Variants in ATAD2B observed in about 807,000 individuals in gnomAD.
ATAD2B encodes ATPase family AAA domain containing 2B.
Under a neutral mutation model 167.6 loss-of-function variants are expected in ATAD2B, and 40 were observed. That is an observed-to-expected ratio of 0.24 (90% CI 0.19 to 0.31). ATAD2B has a LOEUF of 0.31. Among genes scored for constraint, ATAD2B ranks in the 10% least tolerant of loss-of-function variants. The pLI, the probability that ATAD2B is intolerant of heterozygous loss-of-function variation, is 1.00. For synonymous variants in ATAD2B, 579 were observed against 596.5 expected (o/e 0.97, Z 0.43); for missense variants, 1,242 against 1,757.2 (o/e 0.71, Z 5.24).
chr2:23,765,458 G>C (rs752395362), intron 23 of ATAD2B, 48 bp downstream of exon 23: 1 of 1,517,044 alleles, frequency 6.6e-7, no homozygotes, highest in Non-Finnish European at 8.9e-7. Flanking sequence ...CTCTTGGCCT[G>C]AACAGAGCAC....
intron 22 of ATAD2B, among the ~76,000 whole-genome samples, chr2:23,774,922 T>C (rs1363796431): frequency 6.6e-6 from 1 of 151,884 alleles, no homozygotes; most frequent in Non-Finnish European, 1.5e-5. Context: ...GTAAATAAAA[T>C]AAAAATAGAA....
chr2:23,862,401 GT>G (rs750865073), intron 12 of ATAD2B, among the ~76,000 whole-genome samples: 426 of 99,390 alleles, frequency 4.3e-3, no homozygotes, highest in East Asian at 0.014. Flanking sequence ...ATTTGGACTG[GT>G]TTTTTTTTTT....
rs58177161 is a variant in ATAD2B at position 23,760,731 on chromosome 2, T to C, written c.3394+1478A>G. 5.3e-3 allele frequency among the ~76,000 whole-genome samples: 430 copies of C among 81,700 alleles called. 3 individuals carry two copies. The highest frequency in any genetic ancestry group is 0.012 in the African/African-American group (296 of 25,516). The allele number at this position is 81,700 out of a possible 152,430, so 53.6% of individuals were successfully genotyped here. ...ACACACACACACACACACACACACATATACACACACACACACACATACACA... is the reference window on the plus strand; with the variant it reads ...ACACACACACACACACACACACACACATACACACACACACACACATACACA... On this transcript the variant is annotated intron_variant, in intron 24 of 27. Coordinates refer to ENST00000238789, the MANE Select transcript of ATAD2B (RefSeq NM_017552.4).
intron 5 of ATAD2B, 52 bp from the exon 6 acceptor site, chr2:23,884,925 AC>A: frequency 8.4e-7 from 1 of 1,186,628 alleles, no homozygotes; most frequent in Admixed American, 2.7e-5. Context: ...ATTCTCCACT[AC>A]AAAAAAACAA....
intron 16 of ATAD2B, among the ~76,000 whole-genome samples, chr2:23,820,898 A>C (rs1478911229): frequency 1.3e-5 from 2 of 152,106 alleles, no homozygotes; most frequent in Admixed American, 1.3e-4. Flanking sequence ...GCAGTGAGCC[A>C]AGATTGCGCC....
chr2:23,807,378 A>C (rs1198510354), intron 18 of ATAD2B, among the ~76,000 whole-genome samples: 1 of 152,202 alleles, frequency 6.6e-6, no homozygotes, highest in East Asian at 1.9e-4. Context: ...AAATTTATCT[A>C]TGTAGAACAT....
At position 23,802,537 on chromosome 2, in the gene ATAD2B, C is replaced by T. The variant is rs137893120; in HGVS notation, c.2455-4214G>A. 1.4e-4 allele frequency among the ~76,000 whole-genome samples: 22 copies of T among 152,030 alleles called. No individual in the cohort carries two copies. In the East Asian group the frequency reaches 3.1e-3, roughly 21 times the overall value. Reference sequence around the variant, plus strand: ...TTAGCATTTTATGAAAATTAAATCACTTAAATTCTTTTTCTAATATTTTCA... The same window carrying T: ...TTAGCATTTTATGAAAATTAAATCATTTAAATTCTTTTTCTAATATTTTCA... On this transcript the variant is annotated intron_variant, in intron 18 of 27. Transcript: ENST00000238789.
intron 19 of ATAD2B, among the ~76,000 whole-genome samples, chr2:23,791,148 T>G (rs116029009): frequency 6.6e-6 from 1 of 152,240 alleles, no homozygotes; most frequent in South Asian, 2.1e-4. Context: ...TATTGCTGAA[T>G]AGTATTTCAT....
chr2:23,683,912 G>A, the ATAD2B span, among the ~76,000 whole-genome samples: 3 of 152,210 alleles, frequency 2.0e-5, no homozygotes, highest in African/African-American at 7.2e-5. Context: ...CATAAGGGAC[G>A]CTGTTTTTGC....
At chr2:23,870,646 A>G (rs970837364) in intron 8 of ATAD2B, among the ~76,000 whole-genome samples, 1 of 130,478 alleles carries the variant, frequency 7.7e-6, no homozygotes, top group Non-Finnish European at 1.6e-5. Context: ...GATAAATAAC[A>G]TTAGAATCTC....
intron 22 of ATAD2B, among the ~76,000 whole-genome samples, chr2:23,767,428 C>G (rs1365996576): frequency 2.0e-5 from 3 of 151,978 alleles, no homozygotes; most frequent in Non-Finnish European, 2.9e-5. Flanking sequence ...AAGGGTGCAC[C>G]CTTCTATAGA....
At chr2:23,778,983 T>C (rs1396878775) in intron 22 of ATAD2B, among the ~76,000 whole-genome samples, 2 of 152,226 alleles carry the variant, frequency 1.3e-5, no homozygotes, top group Middle Eastern at 6.8e-3. Context: ...TATACAGTTG[T>C]ACGGGTTGTA....
intron 14 of ATAD2B, among the ~76,000 whole-genome samples, chr2:23,830,015 C>T (rs191690143): frequency 2.0e-5 from 3 of 151,998 alleles, no homozygotes; most frequent in African/African-American, 7.3e-5. Flanking sequence ...GACTGAGTCT[C>T]ACTCTATCAC....
chr2:23,765,369 TAG>T (rs1677271070), intron 23 of ATAD2B, 135 bp downstream of exon 23: 3 of 703,662 alleles, frequency 4.3e-6, no homozygotes, highest in Non-Finnish European at 6.1e-6. Context: ...CATAACACAT[TAG>T]TATCAGAAAT....
At chr2:23,688,590 C>G in the ATAD2B span, among the ~76,000 whole-genome samples, 2 of 152,098 alleles carry the variant, frequency 1.3e-5, no homozygotes, top group African/African-American at 4.8e-5. Flanking sequence ...TCTGGCCTCT[C>G]CTGGGCACCC....
intron 18 of ATAD2B, among the ~76,000 whole-genome samples, chr2:23,807,272 ACACACACATG>A (rs749383299): frequency 1.5e-3 from 222 of 145,020 alleles, no homozygotes; most frequent in Non-Finnish European, 2.4e-3. Flanking sequence ...AGTAGTGTGT[ACACACACATG>A]CACACACATA....
At chr2:23,887,513 G>A (rs1031564371) in intron 4 of ATAD2B, among the ~76,000 whole-genome samples, 1 of 152,036 alleles carries the variant, frequency 6.6e-6, no homozygotes, top group African/African-American at 2.4e-5. Context: ...GTCAAATAGC[G>A]ATTGTACTGA....
intron 1 of ATAD2B, among the ~76,000 whole-genome samples, chr2:23,900,208 G>A (rs913344779): frequency 6.6e-5 from 10 of 151,892 alleles, no homozygotes; most frequent in African/African-American, 2.2e-4. Context: ...GAGCCACCAC[G>A]CCTGGCCTCT....
chr2:23,881,360 C>CTTTTTTTTTTTTTTTTTTTT (rs11361642), intron 6 of ATAD2B, among the ~76,000 whole-genome samples: 1 of 80,210 alleles, frequency 1.2e-5, no homozygotes, highest in Non-Finnish European at 2.3e-5. Flanking sequence ...GTGATCAATT[C>CTTTTTTTTTTTTTTTTTTTT]TTTTTTTTTT....
Sources: gnomAD v4.1 joint callset for allele counts (sites outside exome capture counted in the v4.1 genomes callset) on GRCh38, gnomAD v4.1.1 for gene constraint, MANE v1.5 for transcripts, NCBI Gene and HGNC (gene_info 2026-07-23, HGNC 2026-07-21) for gene names.